PRDM16: variants seen among roughly 807,000 people sequenced by gnomAD.
The protein encoded by PRDM16 is PR/SET domain 16.
Under a neutral mutation model 110.6 loss-of-function variants are expected in PRDM16, and 23 were observed. The observed-to-expected ratio is 0.21, with a 90% CI of 0.15 to 0.29. The LOEUF (loss-of-function observed/expected upper bound fraction) is 0.29. Among genes scored for constraint, PRDM16 ranks in the 10% least tolerant of loss-of-function variants. The pLI is 1.00. For missense variants in PRDM16, 1,615 were observed against 1,794.3 expected (o/e 0.90, Z 1.81); for synonymous variants, 799 against 781.8 (o/e 1.02, Z -0.37).
At chr1:3,261,319 G>A (rs1350303524) in intron 3 of PRDM16, among the ~76,000 whole-genome samples, 1 of 152,034 alleles carries the variant, frequency 6.6e-6, no homozygotes, top group Non-Finnish European at 1.5e-5. Flanking sequence ...TGAGGTAGTC[G>A]GGTCAAAATA....
At chr1:3,376,085 G>A (rs1203865667) in intron 3 of PRDM16, among the ~76,000 whole-genome samples, 3 of 152,150 alleles carry the variant, frequency 2.0e-5, no homozygotes, top group African/African-American at 7.2e-5. Flanking sequence ...GCATCCCGGT[G>A]TCTTGGTGTT....
At chr1:3,291,082 G>A (rs1317435867) in intron 3 of PRDM16, among the ~76,000 whole-genome samples, 1 of 152,000 alleles carries the variant, frequency 6.6e-6, no homozygotes. Flanking sequence ...ACCCGCTTCC[G>A]GAATCCTTGG....
intron 4 of PRDM16, among the ~76,000 whole-genome samples, chr1:3,392,473 G>C (rs1289949786): frequency 6.6e-6 from 1 of 152,192 alleles, no homozygotes; most frequent in Non-Finnish European, 1.5e-5. Flanking sequence ...GTTCCTTTTA[G>C]TCTGCAGTCC....
intron 2 of PRDM16, among the ~76,000 whole-genome samples, chr1:3,227,045 A>G: frequency 6.6e-6 from 1 of 152,266 alleles, no homozygotes; most frequent in East Asian, 1.9e-4. Context: ...ATAATAGGCT[A>G]ATAACTGTCA....
chr1:3,334,523 C>A (rs988210518), intron 3 of PRDM16, among the ~76,000 whole-genome samples: 1 of 152,178 alleles, frequency 6.6e-6, no homozygotes, highest in Non-Finnish European at 1.5e-5. Context: ...TCCTGGCTGG[C>A]CGCCATCAAC....
In PRDM16 at chr1:3,186,563, G is replaced by A. The variant is rs910535296; in HGVS notation, c.387+89G>A. ...AAGCCGGGCTGAGCAGCCACTGCCC[G>A]AGGCGGGAGGCGCGGCCAGAGAGAG... On this transcript the variant is annotated intron_variant, in intron 2 of 16. Transcript: ENST00000270722. 6.7e-5 allele frequency: 55 copies of A among 821,810 alleles called. No homozygotes were observed. The Admixed American group carries it at 7.0e-4, about 11-fold the overall frequency. The allele number at this position is 821,810 out of a possible 1,614,324, so 50.9% of individuals were successfully genotyped here. A position where few individuals can be genotyped will look rare whatever the true frequency, so the allele number is the denominator to read the frequency against.
At chr1:3,345,644 A>T (rs1642345107) in intron 3 of PRDM16, among the ~76,000 whole-genome samples, 1 of 152,154 alleles carries the variant, frequency 6.6e-6, no homozygotes, top group Non-Finnish European at 1.5e-5. Context: ...TTGGTTCCAA[A>T]TGTGTCACCG....
Position 3,405,568 on chromosome 1 carries a change from C to A in PRDM16, c.1106C>A (p.Pro369His), listed in dbSNP as rs1199723250. Residue 369 changes from proline to histidine, a missense_variant, in exon 8 of 17, where the codon CCC (proline) becomes CAC (histidine). Physicochemically the swap from Pro to His is moderately conservative, Grantham distance 77 (BLOSUM62 -2). Coordinates refer to ENST00000270722, the MANE Select transcript of PRDM16 (RefSeq NM_022114.4). Reference sequence around the variant, plus strand: ...GTGGGCGCTCGGGCCCACGCCTGCCCCGACTGCGGGAAGACCTTCGCCACG... The same window carrying A: ...GTGGGCGCTCGGGCCCACGCCTGCCACGACTGCGGGAAGACCTTCGCCACG... ...QHVGARAHAC[P>H]DCGKTFATSS... 1.2e-6 allele frequency: 2 copies of A among 1,611,310 alleles called. No individual in the cohort carries two copies. Among genetic ancestry groups the A allele is most frequent in the Non-Finnish European group, 1.7e-6 (2 of 1,179,132 alleles).
At chr1:3,250,022 C>T (rs2100214494) in intron 3 of PRDM16, among the ~76,000 whole-genome samples, 1 of 152,344 alleles carries the variant, frequency 6.6e-6, no homozygotes, top group East Asian at 1.9e-4. Flanking sequence ...ACACCATCCC[C>T]TTCCCAAGGC....
At chr1:3,355,652 A>G (rs1642580820) in intron 3 of PRDM16, among the ~76,000 whole-genome samples, 1 of 152,000 alleles carries the variant, frequency 6.6e-6, no homozygotes, top group Non-Finnish European at 1.5e-5. Context: ...CTGGCCACAC[A>G]CCTTCACTCT....
At chr1:3,180,793 G>C (rs1352424483) in intron 1 of PRDM16, among the ~76,000 whole-genome samples, 1 of 141,130 alleles carries the variant, frequency 7.1e-6, no homozygotes, top group Non-Finnish European at 1.5e-5. Context: ...GCTGGGGTCA[G>C]CTGAGGTTGC....
intron 3 of PRDM16, among the ~76,000 whole-genome samples, chr1:3,322,202 C>T (rs1355047916): frequency 6.7e-6 from 1 of 148,446 alleles, no homozygotes; most frequent in Non-Finnish European, 1.5e-5. Context: ...AGTGGGTGTG[C>T]ACGTGTGTGT....
intron 1 of PRDM16, among the ~76,000 whole-genome samples, chr1:3,124,568 C>A (rs747912235): frequency 3.9e-5 from 6 of 152,222 alleles, no homozygotes; most frequent in South Asian, 2.1e-4. Flanking sequence ...CTTTGGCCAA[C>A]CCTGACCCTT....
At chr1:3,094,535 G>T (rs1258570708) in intron 1 of PRDM16, among the ~76,000 whole-genome samples, 1 of 152,196 alleles carries the variant, frequency 6.6e-6, no homozygotes, top group Non-Finnish European at 1.5e-5. Flanking sequence ...GCCCTTCTAA[G>T]CCCCCAGCAG....
At chr1:3,286,229 C>T (rs1304707723) in intron 3 of PRDM16, among the ~76,000 whole-genome samples, 1 of 152,194 alleles carries the variant, frequency 6.6e-6, no homozygotes, top group Non-Finnish European at 1.5e-5. Flanking sequence ...TTGATACAGA[C>T]ACCAGGAATA....
intron 3 of PRDM16, among the ~76,000 whole-genome samples, chr1:3,273,738 G>A (rs978253354): frequency 5.9e-5 from 9 of 151,778 alleles, no homozygotes; most frequent in Admixed American, 3.3e-4. Context: ...GTGTGTGCAT[G>A]GATAGGTGTG....
intron 3 of PRDM16, among the ~76,000 whole-genome samples, chr1:3,261,615 G>A (rs1640166494): frequency 6.6e-6 from 1 of 152,122 alleles, no homozygotes; most frequent in Non-Finnish European, 1.5e-5. Flanking sequence ...TGTACACACG[G>A]CATTGCCCAC....
At chr1:3,393,802 C>G (rs1293989510) in intron 4 of PRDM16, among the ~76,000 whole-genome samples, 1 of 152,202 alleles carries the variant, frequency 6.6e-6, no homozygotes, top group Non-Finnish European at 1.5e-5. Flanking sequence ...CGCGGATTCC[C>G]GTTCACCTCT....
At chr1:3,134,395 G>A (rs998630466) in intron 1 of PRDM16, among the ~76,000 whole-genome samples, 7 of 152,258 alleles carry the variant, frequency 4.6e-5, no homozygotes, top group African/African-American at 1.7e-4. Flanking sequence ...TGGGCTGGGC[G>A]GGGGCCAATG....
Sources: allele counts gnomAD v4.1 joint callset (sites outside exome capture counted in the v4.1 genomes callset), GRCh38; gene constraint gnomAD v4.1.1; transcripts MANE v1.5; gene names NCBI Gene and HGNC (gene_info 2026-07-23, HGNC 2026-07-21).